The following PRSS16 variants were observed in gnomAD, a reference collection of about 807,000 sequenced individuals.
The protein encoded by PRSS16 is thymus-specific serine protease.
PRSS16 carries 43 observed loss-of-function variants against 61.7 expected under a neutral mutation model. The observed-to-expected ratio is 0.70, with a 90% CI of 0.55 to 0.90. The LOEUF is 0.90. Ranked by LOEUF, PRSS16 falls within the 40% of genes least tolerant of loss-of-function variation. The pLI, the probability that PRSS16 is intolerant of heterozygous loss-of-function variation, is 0.00. For missense variants in PRSS16, 591 were observed against 659.1 expected (o/e 0.90, Z 1.13); for synonymous variants, 273 against 285.2 (o/e 0.96, Z 0.43).
chr6:27,251,833 G>C lies in PRSS16; in HGVS notation c.801G>C (p.Thr267=), dbSNP rs1759915162. ...GGGCGGCTCAAGCAGCATTGCGGAC[G>C]GAGCTGAGCGCTTGCGGGCCCCTGG... ...SGGAAQAALR[T]ELSACGPLGR... The change falls in exon 8 of 12, where the codon ACG becomes ACC. Residue 267 remains threonine, a synonymous_variant. Coordinates refer to ENST00000230582, the MANE Select transcript of PRSS16 (RefSeq NM_005865.4). This position sits in a 1 kb window ranked among gnomAD's most constrained non-coding sequence, Gnocchi z 5.6. 1 of 1,612,122 alleles carries C rather than the reference G, an allele frequency of 6.2e-7. No individual in the cohort carries two copies. The highest frequency in any genetic ancestry group is 8.5e-7 in the Non-Finnish European group (1 of 1,179,644).
chr6:27,248,093 C>T (rs550648111), intron 2 of PRSS16, 45 bp downstream of exon 2: 1 of 1,573,892 alleles, frequency 6.4e-7, no homozygotes, highest in South Asian at 1.2e-5. Flanking sequence ...CTGCCCTCTC[C>T]TCAGTCTCCC....
intron 4 of PRSS16, 119 bp downstream of exon 4, chr6:27,249,348 C>T (rs1271412483): frequency 7.6e-7 from 1 of 1,308,836 alleles, no homozygotes; most frequent in Non-Finnish European, 1.0e-6. Flanking sequence ...TCTCTGGTTC[C>T]CTCTGTTTTC....
chr6:27,248,177 T>C, intron 2 of PRSS16, 129 bp downstream of exon 2: 1 of 1,143,792 alleles, frequency 8.7e-7, no homozygotes, highest in African/African-American at 1.6e-5. Flanking sequence ...TTGAATCTCA[T>C]GTTATGCTTG....
chr6:27,250,623 G>T (rs1415351123), intron 4 of PRSS16, 60 bp from the exon 5 acceptor site: 2 of 1,515,116 alleles, frequency 1.3e-6, no homozygotes, highest in Non-Finnish European at 1.8e-6. Flanking sequence ...CCCCCAGAAT[G>T]GGGAAATCTT....
chr6:27,253,102 T>A, intron 9 of PRSS16, 153 bp downstream of exon 9: 1 of 972,694 alleles, frequency 1.0e-6, no homozygotes, highest in Non-Finnish European at 1.6e-6. Context: ...GTGGAAGCCA[T>A]ACTAGTGTAT....
chr6:27,249,257 G>C, intron 4 of PRSS16, 28 bp downstream of exon 4: 2 of 1,607,438 alleles, frequency 1.2e-6, no homozygotes, highest in African/African-American at 1.3e-5. Flanking sequence ...AAGTGTTTAT[G>C]GTCAAAGGAC....
chr6:27,255,716 C>A lies in PRSS16; in HGVS notation c.*401C>A. 1 of 193,242 alleles carries A rather than the reference C, an allele frequency of 5.2e-6. No homozygotes were observed. 12.0% of individuals were successfully genotyped at this position (193,242 alleles called of 1,614,324 possible). On this transcript the variant is annotated 3_prime_UTR_variant, in exon 12 of 12. Transcript: ENST00000230582. The surrounding 1 kb of genome is among the most constrained non-coding windows in gnomAD (Gnocchi z 4.4). ...TGAACCTGTCCTTGCTTCTCAGTTT[C>A]TCTCACTGTACCCCTTTCCCTCAGT...
chr6:27,255,061 C>G lies in PRSS16; in HGVS notation c.1406C>G (p.Thr469Ser). The stretch of plus-strand genomic sequence containing the variant: ...TCAGAATCAACTCTTCTTATCCGCA[C>G]TGGCTCCCACTGCTTGGACATGGCA... ...GSSESTLLIR[T>S]GSHCLDMAPE... The change falls in exon 11 of 12, where the codon ACT (threonine) becomes AGT (serine). Residue 469 changes from threonine to serine, a missense_variant. By Grantham distance (58) the Thr-to-Ser change is moderately conservative. Transcript: ENST00000230582. The surrounding 1 kb of genome is among the most constrained non-coding windows in gnomAD (Gnocchi z 4.4). The G allele has an allele frequency of 6.2e-7, 1 of 1,614,132 alleles. No homozygotes were observed. The highest frequency in any genetic ancestry group is 1.1e-5 in the South Asian group (1 of 91,076).
Position 27,252,232 on chromosome 6 carries a change from C to T in PRSS16, c.1008+192C>T, listed in dbSNP as rs958223419. On this transcript the variant is annotated intron_variant, in intron 8 of 11. Coordinates refer to ENST00000230582, the MANE Select transcript of PRSS16 (RefSeq NM_005865.4). The surrounding 1 kb of genome is among the most constrained non-coding windows in gnomAD (Gnocchi z 4.2). ...GTCATGTAGAGCAATCAGCTGGGAG[C>T]CTGGCACACAGTGTGCGAATGTTAG... 3 of 677,414 alleles carry T rather than the reference C, an allele frequency of 4.4e-6. No homozygotes were observed. Among genetic ancestry groups the T allele is most frequent in the Admixed American group, 3.6e-5 (1 of 27,684 alleles). 42.0% of individuals were successfully genotyped at this position (677,414 alleles called of 1,614,324 possible). A position where few individuals can be genotyped will look rare whatever the true frequency, so the allele number is the denominator to read the frequency against.
chr6:27,253,160 C>G (rs773141572), intron 9 of PRSS16: 6 of 589,536 alleles, frequency 1.0e-5, no homozygotes, highest in African/African-American at 1.9e-5. Flanking sequence ...ACTGAGGTCT[C>G]CACTTGAGTG....
At position 27,249,928 on chromosome 6, in the gene PRSS16, C is replaced by G. The variant is rs189649820; in HGVS notation, c.467+699C>G. ...CAGCCTCCTTCAGTGCATCTCACTCCTATTAACGACCGCCACCATTTTTCC... is the reference window on the plus strand; with the variant it reads ...CAGCCTCCTTCAGTGCATCTCACTCGTATTAACGACCGCCACCATTTTTCC... On this transcript the variant is annotated intron_variant, in intron 4 of 11. Coordinates refer to ENST00000230582, the MANE Select transcript of PRSS16 (RefSeq NM_005865.4). Among the ~76,000 whole-genome samples, 1,219 of 152,292 alleles carry G rather than the reference C, an allele frequency of 8.0e-3. 12 individuals are homozygous for G. Among genetic ancestry groups the G allele is most frequent in the African/African-American group, 0.024 (979 of 41,570 alleles).
chr6:27,247,974 G>C lies in PRSS16; in HGVS notation c.163G>C (p.Ala55Pro). 1 of 1,611,748 alleles carries C rather than the reference G, an allele frequency of 6.2e-7. No individual in the cohort carries two copies. Among genetic ancestry groups the C allele is most frequent in the Middle Eastern group, 1.7e-4 (1 of 6,048 alleles). Reference protein sequence around the residue: ...LGLSLGPGAAALPKVGWLEQL... With the variant: ...LGLSLGPGAAPLPKVGWLEQL... ...CCTGAGCCTGGGGCCAGGTGCTGCA[G>C]CCCTCCCAAAAGTGGGGTGGCTGGA... The change falls in exon 2 of 12, where the codon GCC becomes CCC. Residue 55 changes from alanine to proline, a missense_variant. Transcript: ENST00000230582.
rs1214583000 is a variant in PRSS16 at position 27,247,808 on chromosome 6, G to A, written c.70+1G>A. ...TCCCTCTGGGGACTCTTGGCTCCAG[G>A]TAAGAGGAGGCTGAGGGTCAAGCAG... On this transcript the variant is annotated splice_donor_variant, in intron 1 of 11. Transcript: ENST00000230582. LOFTEE classifies it high-confidence loss of function. 6.2e-7 allele frequency: 1 copy of A among 1,612,958 alleles called. No individual in the cohort carries two copies. The highest frequency in any genetic ancestry group is 1.7e-5 in the Admixed American group (1 of 59,782).
chr6:27,249,523 G>A (rs1467927756), intron 4 of PRSS16, among the ~76,000 whole-genome samples: 2 of 152,144 alleles, frequency 1.3e-5, no homozygotes, highest in Non-Finnish European at 2.9e-5. Context: ...CTGGATTACG[G>A]CCACAGCATT....
rs1276375215 is a variant in PRSS16 at position 27,248,853 on chromosome 6, T to C, written c.244T>C (p.Trp82Arg). 6.2e-7 allele frequency: 1 copy of C among 1,606,150 alleles called. No homozygotes were observed. Among genetic ancestry groups the C allele is most frequent in the Non-Finnish European group, 8.5e-7 (1 of 1,175,436 alleles). Residue 82 changes from tryptophan (W) to arginine (R), a missense_variant, in exon 3 of 12, where the codon TGG becomes CGG. By Grantham distance (101) the Trp-to-Arg change is moderately radical. Coordinates refer to ENST00000230582, the MANE Select transcript of PRSS16 (RefSeq NM_005865.4). ...TCCCCATCCCACCTCTCAGCGTTAC[T>C]GGGTGAATGACCAACATTGGGTTGG... ...SDRRSFLQRY[W>R]VNDQHWVGQD...
At position 27,251,522 on chromosome 6, in the gene PRSS16, G is replaced by C; in HGVS notation, c.718-228G>C. ...CGGAGGTGAGGCTCAAGGTGGGGCG[G>C]GGCCACAATGGAGGACGGGGCCTGC... On this transcript the variant is annotated intron_variant, in intron 7 of 11. Transcript: ENST00000230582. The surrounding 1 kb of genome is among the most constrained non-coding windows in gnomAD (Gnocchi z 5.6). 1.4e-6 allele frequency: 1 copy of C among 724,678 alleles called. No individual in the cohort carries two copies. The highest frequency in any genetic ancestry group is 2.8e-5 in the East Asian group (1 of 35,304). 44.9% of individuals were successfully genotyped at this position (724,678 alleles called of 1,614,324 possible).
In PRSS16 at chr6:27,251,585, T is replaced by TGGGGGCGGGGGCCTGGGGGCGGGGGCC; in HGVS notation, c.718-165_718-164insGGGGGCGGGGGCCTGGGGGCGGGGGCC. The TGGGGGCGGGGGCCTGGGGGCGGGGGCC allele has an allele frequency of 2.1e-6, 1 of 472,968 alleles. No homozygotes were observed. Among genetic ancestry groups the TGGGGGCGGGGGCCTGGGGGCGGGGGCC allele is most frequent in the Non-Finnish European group, 3.0e-6 (1 of 336,136 alleles). The allele number at this position is 472,968 out of a possible 1,614,324, so 29.3% of individuals were successfully genotyped here. A position where few individuals can be genotyped will look rare whatever the true frequency, so the allele number is the denominator to read the frequency against. Reference sequence around the variant, plus strand: ...AGAAGGAGGGCTGCGAGGCAGGGGATTGGGGGCGGGGGCCTGGGGGCGGGG... The same window carrying TGGGGGCGGGGGCCTGGGGGCGGGGGCC: ...AGAAGGAGGGCTGCGAGGCAGGGGATGGGGGCGGGGGCCTGGGGGCGGGGGCCTGGGGGCGGGGGCCTGGGGGCGGGG... On this transcript the variant is annotated intron_variant, in intron 7 of 11. Coordinates refer to ENST00000230582, the MANE Select transcript of PRSS16 (RefSeq NM_005865.4). This position sits in a 1 kb window ranked among gnomAD's most constrained non-coding sequence, Gnocchi z 5.6.
At position 27,251,644 on chromosome 6, in the gene PRSS16, G is replaced by A. The variant is rs1759906323; in HGVS notation, c.718-106G>A. On this transcript the variant is annotated intron_variant, in intron 7 of 11. Coordinates refer to ENST00000230582, the MANE Select transcript of PRSS16 (RefSeq NM_005865.4). The surrounding 1 kb of genome is among the most constrained non-coding windows in gnomAD (Gnocchi z 5.6). Reference sequence around the variant, plus strand: ...CAAGAGCTAGGTCTGCACCCTCTGAGTCCCGCTAGGGGAAAGTGGGGAACC... The same window carrying A: ...CAAGAGCTAGGTCTGCACCCTCTGAATCCCGCTAGGGGAAAGTGGGGAACC... 4 of 1,376,008 alleles carry A rather than the reference G, an allele frequency of 2.9e-6. No individual in the cohort carries two copies. Among genetic ancestry groups the A allele is most frequent in the Non-Finnish European group, 3.8e-6 (4 of 1,040,066 alleles). 85.2% of individuals were successfully genotyped at this position (1,376,008 alleles called of 1,614,324 possible). A position where few individuals can be genotyped will look rare whatever the true frequency, so the allele number is the denominator to read the frequency against.
chr6:27,251,931 G>T lies in PRSS16; in HGVS notation c.899G>T (p.Gly300Val). 1 of 1,612,310 alleles carries T rather than the reference G, an allele frequency of 6.2e-7. No individual in the cohort carries two copies. Among genetic ancestry groups the T allele is most frequent in the East Asian group, 2.2e-5 (1 of 44,772 alleles). Residue 300 changes from glycine (G) to valine (V), a missense_variant, in exon 8 of 12, where the codon GGG becomes GTG. Gly to Val is a moderately radical substitution (Grantham distance 109). Transcript: ENST00000230582. This position sits in a 1 kb window ranked among gnomAD's most constrained non-coding sequence, Gnocchi z 5.6. ...GTGGGAGGTGTAGTGCAGTATGATG[G>T]GCAGACGGGAGCGCCGCTAAGCGTG... ...ALVGGVVQYD[G>V]QTGAPLSVRQ...
Sources: gnomAD v4.1 joint callset for allele counts (sites outside exome capture counted in the v4.1 genomes callset) on GRCh38, gnomAD v4.1.1 for gene constraint, Gnocchi (gnomAD v3.1) non-coding constraint, MANE v1.5 for transcripts, NCBI Gene and HGNC (gene_info 2026-07-23, HGNC 2026-07-21) for gene names.